MYRFL: variants seen among roughly 807,000 people sequenced by gnomAD.
MYRFL encodes the protein myelin regulatory factor-like protein.
In MYRFL, 88 loss-of-function variants were observed where a neutral mutation model predicts 109.4. The ratio of observed to expected loss-of-function variants is 0.80; its 90% confidence interval spans 0.68 to 0.96. The LOEUF is 0.96. Among genes scored for constraint, MYRFL ranks in the 40% least tolerant of loss-of-function variants. MYRFL has a pLI of 0.00. For synonymous variants in MYRFL, 324 were observed against 320.9 expected, an observed-to-expected ratio of 1.01 and a Z score of -0.10; for missense variants, 957 against 954.9, an observed-to-expected ratio of 1.00 and a Z score of -0.03.
At chr12:69,865,004 G>C (rs1374673167) in intron 2 of MYRFL, among the ~76,000 whole-genome samples, 1 of 152,152 alleles carries the variant, frequency 6.6e-6, no homozygotes, top group Non-Finnish European at 1.5e-5. Context: ...ACCTTTAGCT[G>C]TTTAGAAGGA....
In MYRFL at chr12:69,893,784, A is replaced by C; in HGVS notation, c.924A>C (p.Ile308=). ...TACAGGTGGAAGCTACCAATCAAAT[A>C]ATTGCTATTGAACAGTCCCAAGCAG... The part of the protein sequence containing the change: ...FGTKVEATNQ[I]IAIEQSQADR... Residue 308 remains isoleucine, a synonymous_variant, in exon 8 of 25, where the codon ATA becomes ATC. Coordinates refer to ENST00000552032, the MANE Select transcript of MYRFL (RefSeq NM_182530.3). 1 of 1,437,444 alleles carries C rather than the reference A, an allele frequency of 7.0e-7. No individual in the cohort carries two copies. Among genetic ancestry groups the C allele is most frequent in the Non-Finnish European group, 9.1e-7 (1 of 1,097,750 alleles). The allele number at this position is 1,437,444 out of a possible 1,614,324, so 89.0% of individuals were successfully genotyped here.
chr12:69,879,270 C>T lies in MYRFL; in HGVS notation c.281C>T (p.Ala94Val), dbSNP rs774498018. The change falls in exon 4 of 25, where the codon GCG (alanine) becomes GTG (valine). Residue 94 changes from alanine to valine, a missense_variant. By Grantham distance (64) the Ala-to-Val change is moderately conservative. Coordinates refer to ENST00000552032, the MANE Select transcript of MYRFL (RefSeq NM_182530.3). ...TTTCTCCACCCCACAGCTGCTCCTG[C>T]GATGCCGCCCATGCACCCGCTGCAG... ...APFLHPTAAPAMPPMHPLQST... is the reference protein window; with the variant it reads ...APFLHPTAAPVMPPMHPLQST... 1 of 702,898 alleles carries T rather than the reference C, an allele frequency of 1.4e-6. No individual in the cohort carries two copies. Among genetic ancestry groups the T allele is most frequent in the Admixed American group, 2.0e-5 (1 of 50,012 alleles). 43.5% of individuals were successfully genotyped at this position (702,898 alleles called of 1,614,324 possible). A position where few individuals can be genotyped will look rare whatever the true frequency, so the allele number is the denominator to read the frequency against.
chr12:69,926,503 G>A, intron 13 of MYRFL, 68 bp from the exon 14 acceptor site: 4 of 1,292,874 alleles, frequency 3.1e-6, no homozygotes, highest in South Asian at 2.1e-5. Context: ...CTTTGAATGG[G>A]CTGTAGACAG....
At chr12:69,833,293 A>G (rs1882744474) in intron 1 of MYRFL, among the ~76,000 whole-genome samples, 1 of 152,164 alleles carries the variant, frequency 6.6e-6, no homozygotes. Flanking sequence ...TGGTTGTTAA[A>G]CTAGGAAAGA....
chr12:69,917,891 G>A lies in MYRFL; in HGVS notation c.1602+6961G>A, dbSNP rs916867692. 2.8e-5 allele frequency among the ~76,000 whole-genome samples: 4 copies of A among 142,118 alleles called. No individual in the cohort carries two copies. The East Asian group carries it at 7.8e-4, about 28-fold the overall frequency. The allele number at this position is 142,118 out of a possible 152,430, so 93.2% of individuals were successfully genotyped here. ...CAATATTGGCTTTGAGATGTCAACT[G>A]AACATTTAGATGAAAAAAAAAAAAA... On this transcript the variant is annotated intron_variant, in intron 13 of 24. Coordinates refer to ENST00000552032, the MANE Select transcript of MYRFL (RefSeq NM_182530.3).
chr12:69,931,160 G>C (rs1322259156), intron 15 of MYRFL, among the ~76,000 whole-genome samples: 1 of 152,180 alleles, frequency 6.6e-6, no homozygotes, highest in Non-Finnish European at 1.5e-5. Flanking sequence ...TTAGGTCAAA[G>C]GATTTTGAGG....
At chr12:69,864,397 T>C (rs970179803) in intron 2 of MYRFL, among the ~76,000 whole-genome samples, 5 of 152,194 alleles carry the variant, frequency 3.3e-5, no homozygotes, top group Non-Finnish European at 5.9e-5. Context: ...GACTTTAAGT[T>C]CACTGACTCT....
At chr12:69,891,224 C>A in intron 7 of MYRFL, 58 bp downstream of exon 7, 1 of 1,251,662 alleles carries the variant, frequency 8.0e-7, no homozygotes, top group Non-Finnish European at 1.1e-6. Flanking sequence ...TTTCAGTTGT[C>A]TATTGCTGCA....
chr12:69,876,486 G>T (rs183829873), intron 2 of MYRFL, among the ~76,000 whole-genome samples: 108 of 152,136 alleles, frequency 7.1e-4, no homozygotes, highest in African/African-American at 2.2e-3. Context: ...AAAAAAAAAC[G>T]AAAAGAGCTC....
At chr12:69,846,280 C>G in intron 1 of MYRFL, among the ~76,000 whole-genome samples, 1 of 151,004 alleles carries the variant, frequency 6.6e-6, no homozygotes. Context: ...TGCTGGTGTG[C>G]TGCACCCATT....
intron 1 of MYRFL, among the ~76,000 whole-genome samples, chr12:69,853,203 C>T (rs1233091032): frequency 1.9e-4 from 28 of 149,920 alleles, no homozygotes; most frequent in African/African-American, 4.4e-4. Context: ...GGGCAGCTGC[C>T]GGGCAGGGGC....
At chr12:69,887,750 G>T (rs1387053623) in intron 6 of MYRFL, among the ~76,000 whole-genome samples, 1 of 152,180 alleles carries the variant, frequency 6.6e-6, no homozygotes, top group African/African-American at 2.4e-5. Flanking sequence ...CTAGAGGGAA[G>T]AAATATTTTC....
intron 11 of MYRFL, among the ~76,000 whole-genome samples, chr12:69,909,313 C>G (rs1954475928): frequency 1.3e-5 from 2 of 152,164 alleles, no homozygotes; most frequent in Non-Finnish European, 2.9e-5. Context: ...CTACTGCCAC[C>G]TCAGGGAGTC....
At chr12:69,951,594 AT>A (rs1371861033) in intron 19 of MYRFL, among the ~76,000 whole-genome samples, 1 of 151,400 alleles carries the variant, frequency 6.6e-6, no homozygotes, top group Admixed American at 6.6e-5. Context: ...TGCCTGGCTA[AT>A]TTTATATTTT....
At chr12:69,872,489 A>G (rs1885411015) in intron 2 of MYRFL, among the ~76,000 whole-genome samples, 1 of 151,936 alleles carries the variant, frequency 6.6e-6, no homozygotes, top group Admixed American at 6.6e-5. Context: ...ACACCTGGCT[A>G]ATCTTAAATA....
At chr12:69,884,734 T>C (rs879095546) in intron 5 of MYRFL, among the ~76,000 whole-genome samples, 4 of 152,198 alleles carry the variant, frequency 2.6e-5, no homozygotes, top group Admixed American at 2.6e-4. Context: ...TTGAAACAAG[T>C]ACAGTGATAA....
intron 2 of MYRFL, among the ~76,000 whole-genome samples, chr12:69,860,750 A>G (rs1233047062): frequency 6.6e-6 from 1 of 150,848 alleles, no homozygotes; most frequent in African/African-American, 2.4e-5. Flanking sequence ...TTATTTTATT[A>G]TTGTTATACT....
intron 5 of MYRFL, among the ~76,000 whole-genome samples, chr12:69,881,005 C>T (rs1023845944): frequency 1.6e-5 from 2 of 123,588 alleles, no homozygotes; most frequent in Admixed American, 2.0e-4. Flanking sequence ...TGTTTTGAGC[C>T]AAGAGACCTG....
intron 15 of MYRFL, 129 bp downstream of exon 15, chr12:69,927,877 T>C: frequency 1.3e-6 from 1 of 798,736 alleles, no homozygotes; most frequent in South Asian, 1.9e-5. Flanking sequence ...TTATGTACTA[T>C]ATGTGTTTAA....
Sources: allele counts gnomAD v4.1 joint callset (sites outside exome capture counted in the v4.1 genomes callset), GRCh38; gene constraint gnomAD v4.1.1; transcripts MANE v1.5; gene names NCBI Gene and HGNC (gene_info 2026-07-23, HGNC 2026-07-21).